Variants in AFG1L observed in about 807,000 individuals in gnomAD.
The protein encoded by AFG1L is AFG1 like ATPase, also known as AFG1-like ATPase.
In AFG1L, 53 loss-of-function variants were observed where a neutral mutation model predicts 62.2. The observed-to-expected ratio is 0.85, with a 90% CI of 0.68 to 1.07. The LOEUF is 1.07. Ranked by LOEUF, AFG1L falls within the 50% of genes least tolerant of loss-of-function variation. AFG1L has a pLI of 0.00. For missense variants in AFG1L, 555 were observed against 590.5 expected, an observed-to-expected ratio of 0.94 and a Z score of 0.62; for synonymous variants, 228 against 210.3, an observed-to-expected ratio of 1.08 and a Z score of -0.73.
At chr6:108,487,264 C>T (rs1412655601) in intron 10 of AFG1L, among the ~76,000 whole-genome samples, 1 of 152,176 alleles carries the variant, frequency 6.6e-6, no homozygotes, top group Non-Finnish European at 1.5e-5. Context: ...ACTTGGGAGG[C>T]TGGGGCAGGA....
intron 2 of AFG1L, among the ~76,000 whole-genome samples, chr6:108,335,067 C>T (rs534829889): frequency 1.4e-4 from 21 of 151,766 alleles, no homozygotes; most frequent in African/African-American, 4.3e-4. Context: ...GATCTCAGCT[C>T]GTGGCAACCT....
At chr6:108,422,497 A>AAAAAAAAAAAAAAAAAG (rs1554196482) in intron 7 of AFG1L, among the ~76,000 whole-genome samples, 23 of 147,812 alleles carry the variant, frequency 1.6e-4, no homozygotes, top group African/African-American at 4.8e-4. Context: ...AAAAAAAAAA[A>AAAAAAAAAAAAAAAAAG]AAGAAGAAGA....
intron 10 of AFG1L, among the ~76,000 whole-genome samples, chr6:108,502,394 G>A (rs1272988495): frequency 2.0e-5 from 3 of 152,102 alleles, no homozygotes; most frequent in Non-Finnish European, 4.4e-5. Flanking sequence ...TAGTAGAGAT[G>A]GTGTTTCTCC....
intron 10 of AFG1L, among the ~76,000 whole-genome samples, chr6:108,504,819 A>G (rs1292695746): frequency 6.6e-6 from 1 of 152,232 alleles, no homozygotes; most frequent in African/African-American, 2.4e-5. Context: ...CTTGTTTTCA[A>G]AATGAGGTGA....
At chr6:108,427,675 C>T (rs1770885173) in intron 7 of AFG1L, among the ~76,000 whole-genome samples, 2 of 151,962 alleles carry the variant, frequency 1.3e-5, no homozygotes, top group South Asian at 4.1e-4. Context: ...GTGAACGCCA[C>T]CATACCCGGT....
rs138317675 is a variant in AFG1L, at chr6:108,323,856, C to A, written c.171C>A (p.Thr57=). The A allele has an allele frequency of 1.2e-6, 2 of 1,613,974 alleles. No individual in the cohort carries two copies. The highest frequency in any genetic ancestry group is 1.7e-6 in the Non-Finnish European group (2 of 1,179,958). The change falls in exon 2 of 13, where the codon ACC becomes ACA. Residue 57 remains threonine, a synonymous_variant. Transcript: ENST00000368977. ...AYTVQTSESM[T]PTATSETYLK... is the part of the protein sequence containing the mutation. Reference sequence around the variant, plus strand: ...CGGTTCAGACATCCGAGAGCATGACCCCAACTGCCACTTCAGAGACTTATT... The same window carrying A: ...CGGTTCAGACATCCGAGAGCATGACACCAACTGCCACTTCAGAGACTTATT...
chr6:108,509,292 G>C (rs899935026), intron 10 of AFG1L, among the ~76,000 whole-genome samples: 2 of 152,210 alleles, frequency 1.3e-5, no homozygotes, highest in African/African-American at 4.8e-5. Context: ...TCAGGAGGCA[G>C]TGTACTGCCT....
At chr6:108,441,712 A>AAAATATATAT (rs1401294615) in intron 7 of AFG1L, among the ~76,000 whole-genome samples, 3,146 of 139,290 alleles carry the variant, frequency 0.023, 46 homozygotes, top group Middle Eastern at 0.072. Context: ...AAAAAAAAAA[A>AAAATATATAT]ATATATATAT....
intron 8 of AFG1L, among the ~76,000 whole-genome samples, chr6:108,475,063 A>G (rs905568234): frequency 6.6e-6 from 1 of 152,086 alleles, no homozygotes; most frequent in Non-Finnish European, 1.5e-5. Context: ...GTTAATTTTT[A>G]TATAAGGCAT....
intron 10 of AFG1L, among the ~76,000 whole-genome samples, chr6:108,485,648 ATATATATATTTTTTTTTT>A (rs1197251467): frequency 9.2e-5 from 2 of 21,628 alleles, no homozygotes; most frequent in African/African-American, 2.7e-4. Context: ...ATATATATAT[ATATATATATTTTTTTTTT>A]TTTTTTTTTT....
intron 2 of AFG1L, among the ~76,000 whole-genome samples, chr6:108,331,543 A>T (rs1444151619): frequency 1.3e-5 from 2 of 152,228 alleles, no homozygotes; most frequent in Non-Finnish European, 2.9e-5. Context: ...TTATGAACAG[A>T]TGACCATGCC....
chr6:108,339,151 A>G (rs1158461967), intron 2 of AFG1L, among the ~76,000 whole-genome samples: 1 of 148,634 alleles, frequency 6.7e-6, no homozygotes, highest in African/African-American at 2.5e-5. Context: ...AAGAAAATAA[A>G]CTCTTTTTTT....
chr6:108,382,292 G>A (rs1391266799), intron 6 of AFG1L, among the ~76,000 whole-genome samples: 3 of 151,958 alleles, frequency 2.0e-5, no homozygotes, highest in Non-Finnish European at 4.4e-5. Context: ...GAGCCACCGC[G>A]CCTGGCTATT....
intron 8 of AFG1L, among the ~76,000 whole-genome samples, chr6:108,466,381 G>A (rs1384904558): frequency 6.6e-6 from 1 of 152,158 alleles, no homozygotes; most frequent in Non-Finnish European, 1.5e-5. Flanking sequence ...TCCCCAAAAT[G>A]TGAACTACAC....
intron 2 of AFG1L, among the ~76,000 whole-genome samples, chr6:108,326,425 G>A (rs941948311): frequency 6.6e-6 from 1 of 152,066 alleles, no homozygotes; most frequent in Non-Finnish European, 1.5e-5. Context: ...TCAGCTTTGA[G>A]CTTTTGTTGA....
intron 10 of AFG1L, among the ~76,000 whole-genome samples, chr6:108,481,165 A>C (rs1290635286): frequency 1.3e-5 from 2 of 152,188 alleles, no homozygotes; most frequent in Non-Finnish European, 2.9e-5. Context: ...GCCTTAGAGA[A>C]GTGTGGGAGG....
chr6:108,473,451 G>T (rs1772982273), intron 8 of AFG1L, among the ~76,000 whole-genome samples: 1 of 152,160 alleles, frequency 6.6e-6, no homozygotes, highest in Non-Finnish European at 1.5e-5. Context: ...TGAGTAATGT[G>T]CCTGTCCTAA....
At chr6:108,507,831 G>A (rs950359183) in intron 10 of AFG1L, among the ~76,000 whole-genome samples, 3 of 152,028 alleles carry the variant, frequency 2.0e-5, no homozygotes, top group African/African-American at 7.3e-5. Flanking sequence ...TCGCTTTCGG[G>A]GATTGTTTTC....
chr6:108,519,734 G>A lies in AFG1L; in HGVS notation c.1241G>A (p.Ser414Asn). The change falls in exon 12 of 13, where the codon AGC (serine) becomes AAC (asparagine). Residue 414 changes from serine (S) to asparagine (N), a missense_variant. Physicochemically the swap from Ser to Asn is conservative, Grantham distance 46. Coordinates refer to ENST00000368977, the MANE Select transcript of AFG1L (RefSeq NM_145315.5). Reference protein sequence around the residue: ...IICSASTPISSLFLHQHHDSE... With the variant: ...IICSASTPISNLFLHQHHDSE... Reference sequence around the variant, plus strand: ...TGCTCTGCGTCGACTCCTATATCAAGCTTATTTTTGCATCAACATCATGAC... The same window carrying A: ...TGCTCTGCGTCGACTCCTATATCAAACTTATTTTTGCATCAACATCATGAC... 1 of 1,613,348 alleles carries A rather than the reference G, an allele frequency of 6.2e-7. No homozygotes were observed. The highest frequency in any genetic ancestry group is 8.5e-7 in the Non-Finnish European group (1 of 1,179,622).
Sources: gnomAD v4.1 joint callset for allele counts (sites outside exome capture counted in the v4.1 genomes callset) on GRCh38, gnomAD v4.1.1 for gene constraint, MANE v1.5 for transcripts, NCBI Gene and HGNC (gene_info 2026-07-23, HGNC 2026-07-21) for gene names.